SLC25A21: variants seen among roughly 807,000 people sequenced by gnomAD.
The protein encoded by SLC25A21 is mitochondrial 2-oxodicarboxylate carrier.
SLC25A21 carries 47 observed loss-of-function variants against 43.8 expected under a neutral mutation model. The observed-to-expected ratio is 1.07, with a 90% confidence interval of 0.85 to 1.37. The LOEUF is 1.37. SLC25A21 is among the 40% of genes most tolerant of loss of function. The probability of loss-of-function intolerance (pLI) is 0.00; values close to 1 mark genes in which losing one functional copy is unlikely to be tolerated. For missense variants in SLC25A21, 352 were observed against 350.2 expected, an observed-to-expected ratio of 1.00 and a Z score of -0.04; for synonymous variants, 131 against 121.3, an observed-to-expected ratio of 1.08 and a Z score of -0.52.
intron 1 of SLC25A21, among the ~76,000 whole-genome samples, chr14:36,890,810 T>C (rs1008177289): frequency 4.6e-5 from 7 of 152,134 alleles, no homozygotes; most frequent in Admixed American, 4.6e-4. Flanking sequence ...TTCACTTGAG[T>C]TTATGATTTA....
In SLC25A21 at chr14:37,172,345, G is replaced by A. The variant is rs940025064; in HGVS notation, c.6C>T (p.Ser2=). Residue 2 remains serine (S), a synonymous_variant, in exon 1 of 10, where the codon TCC becomes TCT. Transcript: ENST00000331299. ...GCACTAAGCTGACTTCAGGCTTGGC[G>A]GACATCTTCGCCAGGCGGGAGGACA... M[S]AKPEVSLVRE... is the part of the protein sequence containing the mutation. 7 of 1,598,308 alleles carry A rather than the reference G, an allele frequency of 4.4e-6. No individual in the cohort carries two copies. Among genetic ancestry groups the A allele is most frequent in the Non-Finnish European group, 6.0e-6 (7 of 1,172,484 alleles).
rs1023369516 is a variant in SLC25A21, at chr14:36,746,210, C to T, written c.204-11637G>A. ...AAGTCATGGAATCAATCTAAGTGTC[C>T]GTCAACAGATGACTGGATAAAATAA... On this transcript the variant is annotated intron_variant, in intron 3 of 9. Coordinates refer to ENST00000331299, the MANE Select transcript of SLC25A21 (RefSeq NM_030631.4). Among the ~76,000 whole-genome samples the T allele has an allele frequency of 3.3e-5, 5 of 152,086 alleles. No individual in the cohort carries two copies. In the East Asian group the frequency reaches 7.7e-4, roughly 23 times the overall value.
intron 1 of SLC25A21, among the ~76,000 whole-genome samples, chr14:37,009,922 T>C (rs1256030627): frequency 1.3e-5 from 2 of 152,144 alleles, no homozygotes; most frequent in Non-Finnish European, 2.9e-5. Context: ...TTGACGTAAG[T>C]GTGAAAAGTG....
chr14:36,849,087 T>C (rs1042864650), intron 2 of SLC25A21, among the ~76,000 whole-genome samples: 1 of 152,198 alleles, frequency 6.6e-6, no homozygotes, highest in Non-Finnish European at 1.5e-5. Context: ...GAGCTTCTAA[T>C]ATATTCAAAA....
intron 1 of SLC25A21, among the ~76,000 whole-genome samples, chr14:36,975,470 G>A (rs113199995): frequency 9.2e-5 from 14 of 152,248 alleles, no homozygotes; most frequent in South Asian, 8.3e-4. Context: ...CTACTACTCC[G>A]TCTAGAAAAT....
At chr14:36,798,932 A>AG (rs1887771580) in intron 3 of SLC25A21, among the ~76,000 whole-genome samples, 6 of 140,118 alleles carry the variant, frequency 4.3e-5, no homozygotes, top group Admixed American at 1.6e-4. Flanking sequence ...GAGAGAGAGA[A>AG]AGAGAAATTG....
intron 1 of SLC25A21, among the ~76,000 whole-genome samples, chr14:37,036,472 G>T (rs1443447435): frequency 6.6e-6 from 1 of 152,166 alleles, no homozygotes; most frequent in Non-Finnish European, 1.5e-5. Flanking sequence ...TCCTGGCTGG[G>T]TGCGGTGTTT....
At chr14:36,879,516 C>A (rs1890646383) in intron 1 of SLC25A21, among the ~76,000 whole-genome samples, 1 of 152,074 alleles carries the variant, frequency 6.6e-6, no homozygotes. Context: ...ATGACTATAT[C>A]TCTAAGATTT....
chr14:36,693,844 A>G (rs1882896332), intron 7 of SLC25A21, among the ~76,000 whole-genome samples: 1 of 152,106 alleles, frequency 6.6e-6, no homozygotes, highest in African/African-American at 2.4e-5. Flanking sequence ...GCGTCTCACT[A>G]TGTTGCCTAG....
chr14:37,129,151 A>G (rs1963350022), intron 1 of SLC25A21, among the ~76,000 whole-genome samples: 2 of 152,198 alleles, frequency 1.3e-5, no homozygotes, highest in Non-Finnish European at 2.9e-5. Context: ...GGGATGAGAT[A>G]CGAGAACTAT....
At chr14:36,925,280 A>G (rs1216011987) in intron 1 of SLC25A21, among the ~76,000 whole-genome samples, 1 of 152,180 alleles carries the variant, frequency 6.6e-6, no homozygotes, top group East Asian at 1.9e-4. Context: ...TTGCAATTAC[A>G]TGGCAGTGGT....
intron 7 of SLC25A21, among the ~76,000 whole-genome samples, chr14:36,685,594 T>C (rs1882501881): frequency 6.6e-6 from 1 of 152,202 alleles, no homozygotes; most frequent in East Asian, 1.9e-4. Context: ...TTTGGAATCT[T>C]GTTCTTCCTC....
intron 1 of SLC25A21, among the ~76,000 whole-genome samples, chr14:36,905,470 C>T (rs1268500217): frequency 6.6e-6 from 1 of 152,216 alleles, no homozygotes; most frequent in Non-Finnish European, 1.5e-5. Context: ...AGCTTGCCCA[C>T]TCATGCGTCC....
intron 3 of SLC25A21, among the ~76,000 whole-genome samples, chr14:36,776,487 C>T (rs1399754730): frequency 6.6e-6 from 1 of 151,848 alleles, no homozygotes; most frequent in Non-Finnish European, 1.5e-5. Flanking sequence ...ATCCACCCGC[C>T]TCGGCTAGGA....
chr14:37,096,537 T>A (rs1303033353), intron 1 of SLC25A21, among the ~76,000 whole-genome samples: 2 of 152,204 alleles, frequency 1.3e-5, no homozygotes. Context: ...CTAGATCTTG[T>A]AAACACTTTG....
At chr14:36,936,551 C>T (rs181941669) in intron 1 of SLC25A21, among the ~76,000 whole-genome samples, 5 of 152,128 alleles carry the variant, frequency 3.3e-5, no homozygotes, top group African/African-American at 1.2e-4. Context: ...AAACCACAGA[C>T]CAGAACCTCT....
At chr14:37,019,191 T>C (rs528635199) in intron 1 of SLC25A21, among the ~76,000 whole-genome samples, 8 of 152,050 alleles carry the variant, frequency 5.3e-5, no homozygotes, top group East Asian at 1.9e-4. Flanking sequence ...TCTCATGCCA[T>C]TGGTTCCTTG....
At chr14:36,866,602 G>T (rs1890221258) in intron 2 of SLC25A21, among the ~76,000 whole-genome samples, 1 of 152,264 alleles carries the variant, frequency 6.6e-6, no homozygotes, top group East Asian at 1.9e-4. Flanking sequence ...TTGCTTATTT[G>T]CAACCATCAA....
At chr14:37,149,265 T>C (rs1422654494) in intron 1 of SLC25A21, among the ~76,000 whole-genome samples, 1 of 152,140 alleles carries the variant, frequency 6.6e-6, no homozygotes, top group Admixed American at 6.6e-5. Context: ...AATGCAGATG[T>C]CCATGAACAC....
Sources: allele counts gnomAD v4.1 joint callset (sites outside exome capture counted in the v4.1 genomes callset), GRCh38; gene constraint gnomAD v4.1.1; transcripts MANE v1.5; gene names NCBI Gene and HGNC (gene_info 2026-07-23, HGNC 2026-07-21).